ADGRL3: variants seen among roughly 807,000 people sequenced by gnomAD.
ADGRL3 encodes adhesion G protein-coupled receptor L3.
Under a neutral mutation model 153.5 loss-of-function variants are expected in ADGRL3, and 62 were observed. The ratio of observed to expected loss-of-function variants is 0.40; its 90% CI spans 0.33 to 0.50. The LOEUF (loss-of-function observed/expected upper bound fraction) is 0.50, where lower values mean the gene tolerates loss of function less well. ADGRL3 is among the 20% of genes least tolerant of loss of function. The probability of loss-of-function intolerance (pLI) is 0.47; values close to 1 mark genes in which losing one functional copy is unlikely to be tolerated. For missense variants in ADGRL3, 1,641 were observed against 1,859.4 expected (o/e 0.88, Z 2.16); for synonymous variants, 710 against 672.5 (o/e 1.06, Z -0.86).
intron 2 of ADGRL3, among the ~76,000 whole-genome samples, chr4:61,386,886 TG>T (rs1434663734): frequency 1.3e-5 from 2 of 152,212 alleles, no homozygotes; most frequent in African/African-American, 4.8e-5. Flanking sequence ...GCTGGTTTAT[TG>T]ATATCTATTT....
chr4:61,297,110 A>G (rs17828306), intron 1 of ADGRL3, among the ~76,000 whole-genome samples: 45,413 of 152,038 alleles, frequency 0.3, 6,929 homozygotes, highest in South Asian at 0.44. Flanking sequence ...ATGTTTCTTA[A>G]TAAGAGCAAT....
At chr4:61,963,864 C>T (rs1018748429) in intron 17 of ADGRL3, among the ~76,000 whole-genome samples, 17 of 152,018 alleles carry the variant, frequency 1.1e-4, no homozygotes, top group African/African-American at 3.9e-4. Context: ...TAGTGAGAAA[C>T]GTTTTGTAAG....
At chr4:61,579,521 G>A in intron 4 of ADGRL3, 1 of 475,106 alleles carries the variant, frequency 2.1e-6, no homozygotes, top group South Asian at 1.6e-5. Context: ...CACACTTGCT[G>A]CTTTTTTAGG....
At chr4:61,462,331 TAAC>T (rs1191602545) in intron 2 of ADGRL3, among the ~76,000 whole-genome samples, 4 of 152,184 alleles carry the variant, frequency 2.6e-5, no homozygotes, top group Admixed American at 2.0e-4. Context: ...TTGGGAAAGA[TAAC>T]AACTCGAGTC....
At chr4:61,652,423 A>G (rs1225467065) in intron 5 of ADGRL3, among the ~76,000 whole-genome samples, 1 of 152,308 alleles carries the variant, frequency 6.6e-6, no homozygotes, top group East Asian at 1.9e-4. Flanking sequence ...TCAGCAAGCA[A>G]TGGTCATCAT....
intron 1 of ADGRL3, among the ~76,000 whole-genome samples, chr4:61,204,749 T>A (rs1423466170): frequency 6.6e-6 from 1 of 152,196 alleles, no homozygotes; most frequent in Non-Finnish European, 1.5e-5. Flanking sequence ...CTATTAATTT[T>A]TTTTTTTAGA....
chr4:61,846,591 G>T (rs1581118226), intron 9 of ADGRL3, among the ~76,000 whole-genome samples: 1 of 152,014 alleles, frequency 6.6e-6, no homozygotes, highest in East Asian at 1.9e-4. Context: ...TATCATTGAT[G>T]TTCATGTAGC....
At chr4:61,855,727 C>T (rs1164817844) in intron 9 of ADGRL3, among the ~76,000 whole-genome samples, 1 of 151,930 alleles carries the variant, frequency 6.6e-6, no homozygotes, top group Non-Finnish European at 1.5e-5. Flanking sequence ...AAAAAAAATA[C>T]TTGCCTAATA....
intron 21 of ADGRL3, among the ~76,000 whole-genome samples, chr4:62,000,626 A>G (rs995467654): frequency 6.6e-6 from 1 of 152,102 alleles, no homozygotes; most frequent in Admixed American, 6.6e-5. Flanking sequence ...TCTCTTTGAA[A>G]TGGGTATAAT....
intron 2 of ADGRL3, among the ~76,000 whole-genome samples, chr4:61,452,333 T>C (rs749950819): frequency 2.0e-5 from 2 of 102,084 alleles, no homozygotes; most frequent in Non-Finnish European, 4.7e-5. Context: ...CCAGTTCTGC[T>C]TCCCTTCTGC....
chr4:61,831,257 T>G (rs969864530), intron 9 of ADGRL3, among the ~76,000 whole-genome samples: 1 of 151,872 alleles, frequency 6.6e-6, no homozygotes, highest in African/African-American at 2.4e-5. Context: ...CATAGTATCA[T>G]TGTCATGACC....
intron 4 of ADGRL3, among the ~76,000 whole-genome samples, chr4:61,545,840 G>C (rs1190190045): frequency 6.6e-6 from 1 of 151,934 alleles, no homozygotes; most frequent in African/African-American, 2.4e-5. Context: ...CTCTATGTTT[G>C]AGGTGTTTGA....
At chr4:61,368,640 T>G (rs2096458059) in intron 1 of ADGRL3, among the ~76,000 whole-genome samples, 1 of 152,036 alleles carries the variant, frequency 6.6e-6, no homozygotes. Flanking sequence ...AGCCTTGTAG[T>G]ATAGTTTGAA....
chr4:61,927,779 T>G (rs956751002), intron 13 of ADGRL3, among the ~76,000 whole-genome samples: 1 of 152,048 alleles, frequency 6.6e-6, no homozygotes, highest in African/African-American at 2.4e-5. Context: ...GATTTTAAAC[T>G]TTTGCTTCAT....
intron 2 of ADGRL3, among the ~76,000 whole-genome samples, chr4:61,412,156 C>T (rs2097095239): frequency 6.6e-6 from 1 of 152,110 alleles, no homozygotes; most frequent in Non-Finnish European, 1.5e-5. Flanking sequence ...ATGAACACAA[C>T]TCACTGCAGC....
At chr4:61,831,017 T>G (rs1301172866) in intron 9 of ADGRL3, among the ~76,000 whole-genome samples, 1 of 152,024 alleles carries the variant, frequency 6.6e-6, no homozygotes, top group Admixed American at 6.6e-5. Flanking sequence ...GCCACCCAAA[T>G]AGCTGGGATT....
At chr4:61,395,864 A>C (rs906673545) in intron 2 of ADGRL3, among the ~76,000 whole-genome samples, 1 of 151,974 alleles carries the variant, frequency 6.6e-6, no homozygotes, top group Non-Finnish European at 1.5e-5. Flanking sequence ...ATGGAGGGGA[A>C]TAGCTGAACT....
Position 61,676,438 on chromosome 4 carries a change from C to T in ADGRL3, c.474-388C>T, listed in dbSNP as rs1056225308. ...ATTTATTTTACAACTGCCTAATAAA[C>T]TCTGTGGTTATATTTTCTAAAATAC... On this transcript the variant is annotated intron_variant, in intron 5 of 26. Coordinates refer to ENST00000683033, the MANE Select transcript of ADGRL3 (RefSeq NM_001387552.1). 4.0e-5 allele frequency among the ~76,000 whole-genome samples: 6 copies of T among 151,818 alleles called. No individual in the cohort carries two copies. The East Asian group carries it at 7.7e-4, about 20-fold the overall frequency.
chr4:61,268,038 C>A (rs2149726280), intron 1 of ADGRL3, among the ~76,000 whole-genome samples: 1 of 151,724 alleles, frequency 6.6e-6, no homozygotes, highest in East Asian at 1.9e-4. Context: ...ATATAATCAT[C>A]ACATTGGCCA....
Sources: allele counts gnomAD v4.1 joint callset (sites outside exome capture counted in the v4.1 genomes callset), GRCh38; gene constraint gnomAD v4.1.1; transcripts MANE v1.5; gene names NCBI Gene and HGNC (gene_info 2026-07-23, HGNC 2026-07-21).